Variants in PRR16 observed in about 807,000 individuals in gnomAD.
PRR16 encodes proline rich 16.
Under a neutral mutation model 18.2 loss-of-function variants are expected in PRR16, and 6 were observed. The observed-to-expected ratio is 0.33, with a 90% CI of 0.18 to 0.65. PRR16 has a LOEUF of 0.65. Among genes scored for constraint, PRR16 ranks in the 30% least tolerant of loss-of-function variants. PRR16 has a pLI of 0.74. For missense variants in PRR16, 412 were observed against 376.6 expected, an observed-to-expected ratio of 1.09 and a Z score of -0.78; for synonymous variants, 151 against 147.8, an observed-to-expected ratio of 1.02 and a Z score of -0.16.
chr5:120,773,801 TATG>T, the PRR16 span, among the ~76,000 whole-genome samples: 1 of 151,918 alleles, frequency 6.6e-6, no homozygotes, highest in Non-Finnish European at 1.5e-5. Flanking sequence ...TACTGAAAAA[TATG>T]AAGTACAAAG....
intron 1 of PRR16, among the ~76,000 whole-genome samples, chr5:120,628,184 C>G (rs952429438): frequency 6.6e-6 from 1 of 152,056 alleles, no homozygotes; most frequent in African/African-American, 2.4e-5. Flanking sequence ...TGTTTCACTT[C>G]ATGTTTTCTG....
At chr5:120,715,295 T>C in the PRR16 span, among the ~76,000 whole-genome samples, 1 of 152,178 alleles carries the variant, frequency 6.6e-6, no homozygotes, top group African/African-American at 2.4e-5. Context: ...TACTGGACTT[T>C]ATTATGAGTG....
the PRR16 span, among the ~76,000 whole-genome samples, chr5:120,741,466 C>T: frequency 1.2e-4 from 18 of 152,182 alleles, no homozygotes; most frequent in African/African-American, 3.9e-4. Flanking sequence ...ATTTCTTTTT[C>T]AGTTATTACA....
At chr5:120,538,938 G>GA (rs532905660) in intron 1 of PRR16, among the ~76,000 whole-genome samples, 2 of 152,056 alleles carry the variant, frequency 1.3e-5, no homozygotes, top group African/African-American at 2.4e-5. Context: ...GGAAGACTGT[G>GA]AAAAAATGAG....
At chr5:120,514,250 G>A (rs1457291246) in intron 1 of PRR16, among the ~76,000 whole-genome samples, 2 of 152,146 alleles carry the variant, frequency 1.3e-5, no homozygotes, top group African/African-American at 4.8e-5. Flanking sequence ...TGCTCTCAAG[G>A]TGGTAGCTTG....
At chr5:120,471,562 T>C (rs778211851) in intron 1 of PRR16, among the ~76,000 whole-genome samples, 9 of 152,132 alleles carry the variant, frequency 5.9e-5, no homozygotes, top group Non-Finnish European at 1.3e-4. Flanking sequence ...GTCATATGTA[T>C]ATATTATAAT....
At chr5:120,559,381 C>T (rs1263204226) in intron 1 of PRR16, among the ~76,000 whole-genome samples, 2 of 151,718 alleles carry the variant, frequency 1.3e-5, no homozygotes, top group Non-Finnish European at 2.9e-5. Flanking sequence ...CCAGTTTTCT[C>T]AGTACCACTT....
At chr5:120,503,511 G>T (rs1750536493) in intron 1 of PRR16, among the ~76,000 whole-genome samples, 1 of 152,082 alleles carries the variant, frequency 6.6e-6, no homozygotes, top group South Asian at 2.1e-4. Context: ...CTATTGTGTG[G>T]TAAGATAAAA....
intron 1 of PRR16, among the ~76,000 whole-genome samples, chr5:120,653,222 A>G (rs1301077630): frequency 6.6e-6 from 1 of 151,830 alleles, no homozygotes; most frequent in African/African-American, 2.4e-5. Context: ...GGTCCCATGG[A>G]TGTTCACCTT....
chr5:120,538,171 C>A (rs1751790592), intron 1 of PRR16, among the ~76,000 whole-genome samples: 1 of 152,172 alleles, frequency 6.6e-6, no homozygotes, highest in African/African-American at 2.4e-5. Flanking sequence ...TCATTGATTT[C>A]ATTTATGTTG....
At chr5:120,557,228 T>A (rs180889989) in intron 1 of PRR16, among the ~76,000 whole-genome samples, 4 of 151,926 alleles carry the variant, frequency 2.6e-5, no homozygotes. Flanking sequence ...GGTATTGATA[T>A]ATTTTTCATA....
the PRR16 span, among the ~76,000 whole-genome samples, chr5:120,774,256 T>C: frequency 6.6e-5 from 10 of 152,158 alleles, no homozygotes; most frequent in African/African-American, 2.2e-4. Flanking sequence ...GTTTCACTTA[T>C]ATAACAGAAT....
chr5:120,507,590 A>G (rs1052021814), intron 1 of PRR16, among the ~76,000 whole-genome samples: 1 of 152,122 alleles, frequency 6.6e-6, no homozygotes, highest in Admixed American at 6.6e-5. Context: ...ACTTAGACAT[A>G]GTTTGTATAT....
At chr5:120,581,910 T>C (rs542681125) in intron 1 of PRR16, among the ~76,000 whole-genome samples, 13 of 152,276 alleles carry the variant, frequency 8.5e-5, no homozygotes, top group African/African-American at 2.9e-4. Flanking sequence ...TTCTTTTGCA[T>C]TTGCTGAATT....
chr5:120,533,233 A>G (rs974706733), intron 1 of PRR16, among the ~76,000 whole-genome samples: 7 of 152,246 alleles, frequency 4.6e-5, no homozygotes, highest in Admixed American at 2.6e-4. Flanking sequence ...TGGTAATTAC[A>G]AATCAACCTA....
intron 1 of PRR16, among the ~76,000 whole-genome samples, chr5:120,625,202 G>A (rs1754825016): frequency 6.6e-6 from 1 of 152,124 alleles, no homozygotes; most frequent in Admixed American, 6.6e-5. Context: ...GTGTTCACTG[G>A]TAGAAATCTA....
intron 1 of PRR16, among the ~76,000 whole-genome samples, chr5:120,526,030 G>C (rs1175713329): frequency 6.6e-6 from 1 of 152,176 alleles, no homozygotes; most frequent in African/African-American, 2.4e-5. Flanking sequence ...AAGGGGCCGA[G>C]AAACAGTTAG....
At chr5:120,706,484 A>C in the PRR16 span, among the ~76,000 whole-genome samples, 12 of 152,166 alleles carry the variant, frequency 7.9e-5, no homozygotes, top group Non-Finnish European at 1.5e-4. Context: ...CAGCAAACAC[A>C]CAAGGAATTT....
At chr5:120,754,544 TATATATAA>T in the PRR16 span, among the ~76,000 whole-genome samples, 9 of 89,042 alleles carry the variant, frequency 1.0e-4, no homozygotes, top group South Asian at 3.0e-3. Context: ...TATATGTAAT[TATATATAA>T]TATATATTAT....
Sources: gnomAD v4.1 joint callset for allele counts (sites outside exome capture counted in the v4.1 genomes callset) on GRCh38, gnomAD v4.1.1 for gene constraint, MANE v1.5 for transcripts, NCBI Gene and HGNC (gene_info 2026-07-23, HGNC 2026-07-21) for gene names.